Variants in CACNA2D3 observed in about 807,000 individuals in gnomAD.
CACNA2D3 encodes voltage-dependent calcium channel subunit alpha-2/delta-3.
Under a neutral mutation model 160.6 loss-of-function variants are expected in CACNA2D3, and 60 were observed. The observed-to-expected ratio is 0.37, with a 90% CI of 0.30 to 0.46. The LOEUF (loss-of-function observed/expected upper bound fraction) is 0.46, where lower values mean the gene tolerates loss of function less well. Among genes scored for constraint, CACNA2D3 ranks in the 20% least tolerant of loss-of-function variants. CACNA2D3 has a pLI of 1.00. For missense variants in CACNA2D3, 1,205 were observed against 1,365.0 expected, an observed-to-expected ratio of 0.88 and a Z score of 1.85; for synonymous variants, 558 against 492.9, an observed-to-expected ratio of 1.13 and a Z score of -1.75.
chr3:54,808,781 T>C (rs192371774), intron 13 of CACNA2D3, among the ~76,000 whole-genome samples: 1 of 152,326 alleles, frequency 6.6e-6, no homozygotes, highest in Non-Finnish European at 1.5e-5. Context: ...CTATCATTTC[T>C]TCACTAACCC....
At position 54,840,827 on chromosome 3, in the gene CACNA2D3, A is replaced by G. The variant is rs1185552909; in HGVS notation, c.1551+2179A>G. On this transcript the variant is annotated intron_variant, in intron 16 of 37. Transcript: ENST00000474759. Reference sequence around the variant, plus strand: ...AAGCTCCACCTCCTGGGTTCACGCCATTCTCCTGCCTCAGCCCCCCGAGTA... The same window carrying G: ...AAGCTCCACCTCCTGGGTTCACGCCGTTCTCCTGCCTCAGCCCCCCGAGTA... Among the ~76,000 whole-genome samples the G allele has an allele frequency of 2.9e-5, 4 of 137,904 alleles. No homozygotes were observed. In the Admixed American group the frequency reaches 3.0e-4, roughly 10 times the overall value. 90.5% of individuals were successfully genotyped at this position (137,904 alleles called of 152,430 possible).
chr3:54,984,811 C>T, intron 30 of CACNA2D3, 141 bp downstream of exon 30: 1 of 627,644 alleles, frequency 1.6e-6, no homozygotes, highest in Non-Finnish European at 2.8e-6. Flanking sequence ...ACCTTATTTC[C>T]ATCCCTCTAA....
At chr3:54,663,022 A>G (rs1487891547) in intron 11 of CACNA2D3, among the ~76,000 whole-genome samples, 2 of 152,224 alleles carry the variant, frequency 1.3e-5, no homozygotes, top group African/African-American at 4.8e-5. Flanking sequence ...CTTTCGGTCC[A>G]GGAACCAATG....
intron 2 of CACNA2D3, among the ~76,000 whole-genome samples, chr3:54,304,290 G>T (rs566524231): frequency 6.6e-6 from 1 of 152,200 alleles, no homozygotes; most frequent in South Asian, 2.1e-4. Flanking sequence ...TTGTTTTATT[G>T]TCTTCACTAC....
intron 2 of CACNA2D3, among the ~76,000 whole-genome samples, chr3:54,179,759 C>CA (rs1700746348): frequency 6.6e-6 from 1 of 152,128 alleles, no homozygotes; most frequent in Non-Finnish European, 1.5e-5. Context: ...TCTGTGAGGA[C>CA]ACAATGAGAA....
rs3841944 is a variant in CACNA2D3 at position 54,976,056 on chromosome 3, TACACACACACACACACAC to T, written c.2556+6232_2556+6249del. On this transcript the variant is annotated intron_variant, in intron 29 of 37. Transcript: ENST00000474759. Reference sequence around the variant, plus strand: ...ATATAAATATAGGTATAGATATAGATACACACACACACACACACACACACACACACACACACATTATAT... The same window carrying T: ...ATATAAATATAGGTATAGATATAGATACACACACACACACACACATTATAT... Among the ~76,000 whole-genome samples the T allele has an allele frequency of 4.1e-5, 6 of 145,038 alleles. No individual in the cohort carries two copies. The East Asian group carries it at 6.0e-4, about 15-fold the overall frequency.
At chr3:54,654,506 G>C (rs536958873) in intron 11 of CACNA2D3, among the ~76,000 whole-genome samples, 1 of 152,234 alleles carries the variant, frequency 6.6e-6, no homozygotes, top group East Asian at 1.9e-4. Context: ...GGTTTTCTTG[G>C]AAGTAGCAAC....
At chr3:54,586,452 AG>A (rs1372383938) in intron 9 of CACNA2D3, among the ~76,000 whole-genome samples, 1 of 152,222 alleles carries the variant, frequency 6.6e-6, no homozygotes, top group African/African-American at 2.4e-5. Flanking sequence ...TAATGATAAA[AG>A]GATCACTTGC....
At chr3:54,960,737 C>T (rs1268797259) in intron 27 of CACNA2D3, among the ~76,000 whole-genome samples, 1 of 152,168 alleles carries the variant, frequency 6.6e-6, no homozygotes, top group Non-Finnish European at 1.5e-5. Flanking sequence ...CTCAGTTTTG[C>T]CCAAATTAGT....
At chr3:54,844,465 G>T (rs1698890023) in intron 16 of CACNA2D3, among the ~76,000 whole-genome samples, 1 of 152,104 alleles carries the variant, frequency 6.6e-6, no homozygotes, top group South Asian at 2.1e-4. Flanking sequence ...GCATTCTGGG[G>T]GAGGAAGCAG....
At chr3:54,818,960 G>A (rs1302173141) in intron 14 of CACNA2D3, among the ~76,000 whole-genome samples, 1 of 152,172 alleles carries the variant, frequency 6.6e-6, no homozygotes, top group Non-Finnish European at 1.5e-5. Context: ...GGTAAGAGGA[G>A]TTGAGGGAGA....
chr3:54,403,309 T>C (rs1347481269), intron 4 of CACNA2D3, among the ~76,000 whole-genome samples: 1 of 150,990 alleles, frequency 6.6e-6, no homozygotes, highest in Non-Finnish European at 1.5e-5. Flanking sequence ...GAGCCAAGAT[T>C]ATGCCACTGC....
chr3:55,023,251 C>G (rs1440827139), intron 35 of CACNA2D3, among the ~76,000 whole-genome samples: 4 of 152,124 alleles, frequency 2.6e-5, no homozygotes, highest in African/African-American at 9.7e-5. Flanking sequence ...CAGTCTCTCT[C>G]GAATGTTCTG....
chr3:54,864,793 G>A (rs1277515502), intron 17 of CACNA2D3, among the ~76,000 whole-genome samples: 1 of 152,184 alleles, frequency 6.6e-6, no homozygotes, highest in Non-Finnish European at 1.5e-5. Context: ...AGGTGAGGCA[G>A]TGCCGAGGGC....
In CACNA2D3 at chr3:54,879,360, T is replaced by C; in HGVS notation, c.1793T>C (p.Leu598Ser). ...KKTVDKGKRV[L>S]VMTNDYYYTD... ...TTTTTTTCAATCTAGAAACGGGTTT[T>C]GGTGATGACAAATGACTACTATTAT... Residue 598 changes from leucine (L) to serine (S), a missense_variant, in exon 20 of 38, where the codon TTG becomes TCG. Around this residue, in one of 3 missense-constraint regions of CACNA2D3, gnomAD observed 911 missense variants for 1,002.2 expected, o/e 0.91. Transcript: ENST00000474759. 1 of 1,608,698 alleles carries C rather than the reference T, an allele frequency of 6.2e-7. No individual in the cohort carries two copies. The highest frequency in any genetic ancestry group is 1.1e-5 in the South Asian group (1 of 89,376).
At chr3:54,349,413 G>A (rs1235759431) in intron 3 of CACNA2D3, among the ~76,000 whole-genome samples, 1 of 152,172 alleles carries the variant, frequency 6.6e-6, no homozygotes, top group Non-Finnish European at 1.5e-5. Flanking sequence ...GAATTCCAAA[G>A]CAAAGACTTC....
chr3:54,203,931 C>A (rs866011791), intron 2 of CACNA2D3, among the ~76,000 whole-genome samples: 1 of 151,902 alleles, frequency 6.6e-6, no homozygotes, highest in Non-Finnish European at 1.5e-5. Flanking sequence ...GGCGCGAAAG[C>A]AAGAGTGCCT....
intron 2 of CACNA2D3, among the ~76,000 whole-genome samples, chr3:54,315,986 AAAG>A (rs375981783): frequency 1.2e-3 from 184 of 152,292 alleles, no homozygotes; most frequent in African/African-American, 4.0e-3. Context: ...AAGGTAAGCA[AAAG>A]AAGAAAGAAA....
At chr3:54,147,587 A>T (rs1700055934) in intron 2 of CACNA2D3, among the ~76,000 whole-genome samples, 1 of 152,226 alleles carries the variant, frequency 6.6e-6, no homozygotes, top group African/African-American at 2.4e-5. Context: ...ACTCTGTGTG[A>T]CCTTGGGCAA....
Sources: gnomAD v4.1 joint callset for allele counts (sites outside exome capture counted in the v4.1 genomes callset) on GRCh38, gnomAD v4.1.1 for gene constraint, gnomAD v4.1.1 regional missense constraint, MANE v1.5 for transcripts, NCBI Gene and HGNC (gene_info 2026-07-23, HGNC 2026-07-21) for gene names.